Variants in NF1 observed in about 807,000 individuals in gnomAD.
NF1 encodes the protein neurofibromin 1, also known as neurofibromin.
In NF1, 122 loss-of-function variants were observed where a neutral mutation model predicts 325.7. The ratio of observed to expected loss-of-function variants is 0.37; its 90% CI spans 0.32 to 0.44. The LOEUF is 0.44. Among genes scored for constraint, NF1 ranks in the 20% least tolerant of loss-of-function variants. The pLI, the probability that NF1 is intolerant of heterozygous loss-of-function variation, is 1.00. For synonymous variants in NF1, 1,091 were observed against 1,186.0 expected (o/e 0.92, Z 1.65); for missense variants, 2,140 against 3,415.4 (o/e 0.63, Z 9.31).
At chr17:31,110,033 A>T (rs970461633) in intron 1 of NF1, among the ~76,000 whole-genome samples, 1 of 152,132 alleles carries the variant, frequency 6.6e-6, no homozygotes, top group African/African-American at 2.4e-5. Context: ...ATCACTTAAG[A>T]CTTGTTAAAA....
intron 1 of NF1, among the ~76,000 whole-genome samples, chr17:31,099,963 C>T (rs1030534269): frequency 4.8e-5 from 7 of 145,804 alleles, no homozygotes; most frequent in Middle Eastern, 3.6e-3. Context: ...TCCTGTAGAG[C>T]TTTATTTCTG....
At position 31,356,978 on chromosome 17, in the gene NF1, C is replaced by T. The variant is rs769876049; in HGVS notation, c.7757C>T (p.Ser2586Leu). ...GCTGCAGAAACTCAGAGGATTTCCT[C>T]ATCACAACAGCACCCACATTTACGT... is the stretch of plus-strand genomic sequence containing the variant. ...DYEMETQRIS[S>L]SQQHPHLRKV... The change falls in exon 53 of 58, where the codon TCA (serine) becomes TTA (leucine). Residue 2586 changes from serine to leucine, a missense_variant. By Grantham distance (145) the Ser-to-Leu change is moderately radical. Transcript: ENST00000358273. 12 of 1,613,900 alleles carry T rather than the reference C, an allele frequency of 7.4e-6. No individual in the cohort carries two copies. In the South Asian group the frequency reaches 1.3e-4, roughly 18 times the overall value.
intron 29 of NF1, among the ~76,000 whole-genome samples, chr17:31,240,250 G>A (rs886661904): frequency 1.3e-5 from 2 of 151,540 alleles, no homozygotes; most frequent in Non-Finnish European, 2.9e-5. Flanking sequence ...CCCAGCCTCT[G>A]GGTAACTATC....
intron 42 of NF1, 96 bp from the exon 43 acceptor site, chr17:31,337,272 G>T: frequency 1.0e-6 from 1 of 955,598 alleles, no homozygotes; most frequent in South Asian, 1.4e-5. Context: ...ATTTTTATAT[G>T]GTATTCAAAT....
At chr17:31,245,503 C>T (rs1177798078) in intron 29 of NF1, among the ~76,000 whole-genome samples, 1 of 152,208 alleles carries the variant, frequency 6.6e-6, no homozygotes, top group Non-Finnish European at 1.5e-5. Flanking sequence ...TTACAAGCCC[C>T]AGGTTGTTAC....
At chr17:31,161,463 A>T (rs2065759589) in intron 3 of NF1, among the ~76,000 whole-genome samples, 1 of 152,238 alleles carries the variant, frequency 6.6e-6, no homozygotes, top group Non-Finnish European at 1.5e-5. Context: ...TGTTATTAAA[A>T]TTCTTATCCG....
intron 29 of NF1, among the ~76,000 whole-genome samples, chr17:31,238,912 A>G (rs1481051360): frequency 6.6e-6 from 1 of 152,212 alleles, no homozygotes; most frequent in Non-Finnish European, 1.5e-5. Flanking sequence ...GGGCGCCTAC[A>G]GTTACAGCGA....
At chr17:31,145,965 C>A (rs1321619993) in intron 1 of NF1, among the ~76,000 whole-genome samples, 1 of 152,202 alleles carries the variant, frequency 6.6e-6, no homozygotes, top group African/African-American at 2.4e-5. Flanking sequence ...GATAACACAT[C>A]TGAAGCTCAG....
At chr17:31,327,985 G>A in intron 38 of NF1, 146 bp downstream of exon 38, 1 of 770,182 alleles carries the variant, frequency 1.3e-6, no homozygotes, top group Non-Finnish European at 2.2e-6. Flanking sequence ...ACCTCATCAA[G>A]TTGTGGGGTA....
intron 4 of NF1, among the ~76,000 whole-genome samples, chr17:31,168,671 G>A (rs768539459): frequency 2.6e-5 from 4 of 152,106 alleles, no homozygotes; most frequent in African/African-American, 4.8e-5. Flanking sequence ...TACTGATGAT[G>A]CTATGTGGTT....
intron 3 of NF1, among the ~76,000 whole-genome samples, chr17:31,162,976 T>C (rs1314839728): frequency 6.6e-6 from 1 of 152,128 alleles, no homozygotes; most frequent in African/African-American, 2.4e-5. Context: ...ATTGTGATTA[T>C]GGGGTCAGAG....
intron 4 of NF1, among the ~76,000 whole-genome samples, chr17:31,169,472 C>T (rs567565170): frequency 2.0e-5 from 3 of 152,016 alleles, no homozygotes; most frequent in African/African-American, 7.2e-5. Flanking sequence ...TTATATATGT[C>T]TTTACTCTTA....
At chr17:31,262,906 G>A (rs1190971242) in intron 35 of NF1, among the ~76,000 whole-genome samples, 1 of 152,080 alleles carries the variant, frequency 6.6e-6, no homozygotes, top group East Asian at 1.9e-4. Context: ...TTTTAGGCCA[G>A]ACATGGTGGC....
At chr17:31,348,820 T>A (rs1291939397) in intron 48 of NF1, among the ~76,000 whole-genome samples, 1 of 152,092 alleles carries the variant, frequency 6.6e-6, no homozygotes. Flanking sequence ...ATCTCTGTGC[T>A]GCTTTAGGGA....
rs1011962283 is a variant in NF1 at position 31,375,594 on chromosome 17, G to C, written c.*1439G>C. On this transcript the variant is annotated 3_prime_UTR_variant, in exon 58 of 58. Coordinates refer to ENST00000358273, the MANE Select transcript of NF1 (RefSeq NM_001042492.3). ...AAGATATTAATCCCTCTACTCCCAG[G>C]TTCCCTTTATATGTTAAGATATAAT... is the stretch of plus-strand genomic sequence containing the variant. 1 of 232,438 alleles carries C rather than the reference G, an allele frequency of 4.3e-6. No homozygotes were observed. Among genetic ancestry groups the C allele is most frequent in the Non-Finnish European group, 8.5e-6 (1 of 117,440 alleles). The allele number at this position is 232,438 out of a possible 1,614,324, so 14.4% of individuals were successfully genotyped here. A position where few individuals can be genotyped will look rare whatever the true frequency, so the allele number is the denominator to read the frequency against.
At chr17:31,250,626 A>G (rs139783115) in intron 30 of NF1, 1 of 195,180 alleles carries the variant, frequency 5.1e-6, no homozygotes, top group African/African-American at 2.3e-5. Context: ...TTTTGAGACC[A>G]TGATTCTAAT....
At chr17:31,151,249 A>G (rs1377731678) in intron 1 of NF1, among the ~76,000 whole-genome samples, 3 of 152,174 alleles carry the variant, frequency 2.0e-5, no homozygotes, top group Non-Finnish European at 4.4e-5. Flanking sequence ...TGTATACCAT[A>G]TAGCCTAGAG....
chr17:31,127,102 G>A (rs974781273), intron 1 of NF1, among the ~76,000 whole-genome samples: 1 of 149,492 alleles, frequency 6.7e-6, no homozygotes, highest in Non-Finnish European at 1.5e-5. Flanking sequence ...TTAAGTGTCA[G>A]TATATGCACA....
intron 8 of NF1, 94 bp downstream of exon 8, chr17:31,182,759 A>G: frequency 8.2e-7 from 1 of 1,215,788 alleles, no homozygotes; most frequent in Non-Finnish European, 1.2e-6. Context: ...ATTTAAGCAA[A>G]GTATTTCAGG....
Sources: gnomAD v4.1 joint callset for allele counts (sites outside exome capture counted in the v4.1 genomes callset) on GRCh38, gnomAD v4.1.1 for gene constraint, MANE v1.5 for transcripts, NCBI Gene and HGNC (gene_info 2026-07-23, HGNC 2026-07-21) for gene names.